The following AGBL4 variants were observed in gnomAD, a reference collection of about 807,000 sequenced individuals.
AGBL4 encodes AGBL carboxypeptidase 4, also known as cytosolic carboxypeptidase 6.
AGBL4 carries 58 observed loss-of-function variants against 66.4 expected under a neutral mutation model. That is an observed-to-expected ratio of 0.87 (90% CI 0.71 to 1.09). The LOEUF is 1.09. AGBL4 is among the 50% of genes least tolerant of loss of function. The probability of loss-of-function intolerance (pLI) is 0.00; values close to 1 mark genes in which losing one functional copy is unlikely to be tolerated. For synonymous variants in AGBL4, 234 were observed against 222.9 expected (o/e 1.05, Z -0.44); for missense variants, 579 against 631.0 (o/e 0.92, Z 0.88).
At chr1:49,900,215 C>CTGTTGT (rs143521800) in intron 1 of AGBL4, among the ~76,000 whole-genome samples, 1 of 151,828 alleles carries the variant, frequency 6.6e-6, no homozygotes, top group African/African-American at 2.4e-5. Context: ...AGGGTTTTTT[C>CTGTTGT]TGTTGTTGTT....
At chr1:49,691,876 A>G (rs941013140) in intron 3 of AGBL4, among the ~76,000 whole-genome samples, 1 of 151,898 alleles carries the variant, frequency 6.6e-6, no homozygotes, top group African/African-American at 2.4e-5. Context: ...CGAACATCGG[A>G]CTCCAAGTTC....
At chr1:49,939,544 T>C (rs369123234) in intron 1 of AGBL4, among the ~76,000 whole-genome samples, 5 of 151,354 alleles carry the variant, frequency 3.3e-5, no homozygotes, top group African/African-American at 4.8e-5. Context: ...TCAGAAATAA[T>C]GCCGCATATC....
At chr1:49,827,377 CT>C (rs1161043154) in intron 2 of AGBL4, among the ~76,000 whole-genome samples, 2 of 151,834 alleles carry the variant, frequency 1.3e-5, no homozygotes, top group African/African-American at 4.8e-5. Flanking sequence ...GACTAGAAAG[CT>C]ATTAGAATTT....
intron 3 of AGBL4, among the ~76,000 whole-genome samples, chr1:49,472,741 T>G (rs112382591): frequency 2.0e-5 from 3 of 152,022 alleles, no homozygotes; most frequent in African/African-American, 7.2e-5. Flanking sequence ...ATGCTGAGTA[T>G]TGGGTTTCTA....
At chr1:48,810,366 G>A (rs900486133) in intron 6 of AGBL4, among the ~76,000 whole-genome samples, 4 of 152,106 alleles carry the variant, frequency 2.6e-5, no homozygotes, top group Middle Eastern at 3.2e-3. Context: ...ATCCTCTTCC[G>A]TGCAAGATGT....
chr1:49,931,496 G>A (rs1022302778), intron 1 of AGBL4, among the ~76,000 whole-genome samples: 18 of 152,192 alleles, frequency 1.2e-4, no homozygotes, highest in East Asian at 1.9e-4. Context: ...AGAGCAAGAC[G>A]GGGGAAGTGC....
intron 11 of AGBL4, 48 bp downstream of exon 11, chr1:48,586,956 C>T: frequency 6.2e-7 from 1 of 1,605,542 alleles, no homozygotes; most frequent in Non-Finnish European, 8.5e-7. Flanking sequence ...CTTGGATACT[C>T]TCGGCTGGAT....
At chr1:49,205,839 C>T (rs1009304311) in intron 4 of AGBL4, among the ~76,000 whole-genome samples, 4 of 152,072 alleles carry the variant, frequency 2.6e-5, no homozygotes, top group Non-Finnish European at 5.9e-5. Flanking sequence ...TTCACAGATG[C>T]TTATTGTTCT....
At chr1:48,994,065 T>C (rs995491974) in intron 5 of AGBL4, among the ~76,000 whole-genome samples, 3 of 152,212 alleles carry the variant, frequency 2.0e-5, no homozygotes, top group South Asian at 2.1e-4. Context: ...ATTTGCCATC[T>C]TGAGCTTCCT....
intron 3 of AGBL4, among the ~76,000 whole-genome samples, chr1:49,458,594 A>G: frequency 6.6e-6 from 1 of 151,718 alleles, no homozygotes; most frequent in Non-Finnish European, 1.5e-5. Flanking sequence ...GCTTTGCTGA[A>G]TAGAAGTGGT....
At chr1:49,569,183 T>G (rs1203893568) in intron 3 of AGBL4, among the ~76,000 whole-genome samples, 5 of 151,940 alleles carry the variant, frequency 3.3e-5, no homozygotes, top group Non-Finnish European at 7.4e-5. Context: ...ATCAAGACAA[T>G]TGAACTCATG....
chr1:48,848,727 C>T (rs1046179074), intron 6 of AGBL4, among the ~76,000 whole-genome samples: 4 of 152,056 alleles, frequency 2.6e-5, no homozygotes, highest in South Asian at 2.1e-4. Context: ...TGAAGTCTGC[C>T]GTATTGTGTC....
chr1:49,233,457 A>G (rs1323468725), intron 4 of AGBL4, among the ~76,000 whole-genome samples: 1 of 152,234 alleles, frequency 6.6e-6, no homozygotes, highest in African/African-American at 2.4e-5. Context: ...CAAGACTGGC[A>G]GAACTGGGAT....
At chr1:49,651,874 C>T (rs551950110) in intron 3 of AGBL4, among the ~76,000 whole-genome samples, 1 of 152,028 alleles carries the variant, frequency 6.6e-6, no homozygotes, top group Admixed American at 6.5e-5. Context: ...AATTAAAATT[C>T]TAAAATGATG....
intron 4 of AGBL4, among the ~76,000 whole-genome samples, chr1:49,216,579 G>T (rs1649110415): frequency 6.6e-6 from 1 of 151,998 alleles, no homozygotes; most frequent in African/African-American, 2.4e-5. Flanking sequence ...TGCTGCACAG[G>T]GCATGTGTTT....
intron 5 of AGBL4, among the ~76,000 whole-genome samples, chr1:48,873,155 C>A (rs1648859704): frequency 6.6e-6 from 1 of 152,142 alleles, no homozygotes; most frequent in African/African-American, 2.4e-5. Flanking sequence ...AAAATCTTAG[C>A]CTTAGGTGGC....
intron 8 of AGBL4, among the ~76,000 whole-genome samples, chr1:48,645,838 T>C (rs997857336): frequency 1.3e-5 from 2 of 151,964 alleles, no homozygotes; most frequent in African/African-American, 4.8e-5. Context: ...ATGACAAACA[T>C]CTGGAGCACG....
At chr1:48,786,715 T>G (rs1408414419) in intron 6 of AGBL4, among the ~76,000 whole-genome samples, 1 of 152,194 alleles carries the variant, frequency 6.6e-6, no homozygotes, top group Non-Finnish European at 1.5e-5. Flanking sequence ...TTGAAGCAGA[T>G]TTCTACTGGC....
At chr1:49,135,975 T>A (rs1646002333) in intron 4 of AGBL4, among the ~76,000 whole-genome samples, 1 of 152,172 alleles carries the variant, frequency 6.6e-6, no homozygotes, top group Non-Finnish European at 1.5e-5. Context: ...GATTTTGTTT[T>A]CTCCTGTAGG....
Sources: allele counts gnomAD v4.1 joint callset (sites outside exome capture counted in the v4.1 genomes callset), GRCh38; gene constraint gnomAD v4.1.1; transcripts MANE v1.5; gene names NCBI Gene and HGNC (gene_info 2026-07-23, HGNC 2026-07-21).